The following NELL1 variants were observed in gnomAD, a reference collection of about 807,000 sequenced individuals.
The protein encoded by NELL1 is protein kinase C-binding protein NELL1.
NELL1 carries 76 observed loss-of-function variants against 107.4 expected under a neutral mutation model. That is an observed-to-expected ratio of 0.71 (90% confidence interval 0.59 to 0.86). The LOEUF (loss-of-function observed/expected upper bound fraction) is 0.86, where lower values mean the gene tolerates loss of function less well. Ranked by LOEUF, NELL1 falls within the 40% of genes least tolerant of loss-of-function variation. The pLI is 0.00. For missense variants in NELL1, 1,024 were observed against 1,005.5 expected, an observed-to-expected ratio of 1.02 and a Z score of -0.25; for synonymous variants, 353 against 341.2, an observed-to-expected ratio of 1.03 and a Z score of -0.38.
intron 15 of NELL1, among the ~76,000 whole-genome samples, chr11:21,477,073 T>G (rs1258794794): frequency 6.6e-6 from 1 of 152,094 alleles, no homozygotes; most frequent in African/African-American, 2.4e-5. Context: ...TTTGCTAGGC[T>G]CAGAGCAAGT....
chr11:21,237,457 C>T (rs1296452152), intron 14 of NELL1, among the ~76,000 whole-genome samples: 1 of 152,088 alleles, frequency 6.6e-6, no homozygotes, highest in Non-Finnish European at 1.5e-5. Context: ...TTCTTTCTTA[C>T]ATGTGCCTCT....
At chr11:20,746,226 C>T (rs970534903) in intron 2 of NELL1, among the ~76,000 whole-genome samples, 4 of 152,104 alleles carry the variant, frequency 2.6e-5, no homozygotes, top group African/African-American at 7.2e-5. Context: ...TCTGCTGGAC[C>T]TTTGACCTTA....
chr11:21,171,413 T>C (rs371120051), intron 13 of NELL1, among the ~76,000 whole-genome samples: 69 of 152,012 alleles, frequency 4.5e-4, no homozygotes, highest in Middle Eastern at 3.4e-3. Context: ...TCCTTGTCTA[T>C]GCACAAAATA....
chr11:21,059,657 C>G (rs1853692190), intron 12 of NELL1, among the ~76,000 whole-genome samples: 1 of 152,066 alleles, frequency 6.6e-6, no homozygotes, highest in Non-Finnish European at 1.5e-5. Context: ...TGACTTAATT[C>G]CCCTACTCTG....
At chr11:20,960,962 A>T (rs1453770739) in intron 12 of NELL1, among the ~76,000 whole-genome samples, 1 of 152,208 alleles carries the variant, frequency 6.6e-6, no homozygotes, top group African/African-American at 2.4e-5. Context: ...ACATTAACTC[A>T]TACTAGGCTG....
intron 3 of NELL1, among the ~76,000 whole-genome samples, chr11:20,792,896 G>T (rs746169801): frequency 4.6e-5 from 7 of 151,904 alleles, no homozygotes; most frequent in Admixed American, 6.5e-5. Context: ...AGATGCCATA[G>T]ATTTTTCTGT....
intron 15 of NELL1, among the ~76,000 whole-genome samples, chr11:21,491,706 TTAAAG>T (rs1167531130): frequency 8.5e-5 from 13 of 152,098 alleles, no homozygotes; most frequent in African/African-American, 3.1e-4. Flanking sequence ...CATATGAACT[TTAAAG>T]TAGTTTTTTC....
At chr11:21,203,705 T>C (rs1364367609) in intron 13 of NELL1, among the ~76,000 whole-genome samples, 1 of 152,186 alleles carries the variant, frequency 6.6e-6, no homozygotes, top group Non-Finnish European at 1.5e-5. Flanking sequence ...TTCTTCATAG[T>C]GTTGATGGCC....
intron 13 of NELL1, among the ~76,000 whole-genome samples, chr11:21,119,777 C>T (rs755020757): frequency 6.6e-5 from 10 of 152,026 alleles, no homozygotes; most frequent in Non-Finnish European, 8.8e-5. Flanking sequence ...TTCTCTCCCC[C>T]GTATGCTTTT....
At chr11:21,010,802 T>A (rs1852430019) in intron 12 of NELL1, among the ~76,000 whole-genome samples, 1 of 152,218 alleles carries the variant, frequency 6.6e-6, no homozygotes, top group Non-Finnish European at 1.5e-5. Flanking sequence ...CTGCCCCAGA[T>A]AATTAGAAAA....
intron 12 of NELL1, among the ~76,000 whole-genome samples, chr11:20,977,042 A>G (rs1418677558): frequency 5.3e-5 from 8 of 152,002 alleles, no homozygotes; most frequent in Admixed American, 5.2e-4. Flanking sequence ...GTTTCTGAAT[A>G]TGTGGCCATT....
At chr11:21,326,120 C>T (rs1850134100) in intron 14 of NELL1, among the ~76,000 whole-genome samples, 1 of 75,024 alleles carries the variant, frequency 1.3e-5, no homozygotes, top group Non-Finnish European at 2.6e-5. Context: ...CACTCTTACA[C>T]TAATTCTCTT....
chr11:20,926,783 G>A (rs1204740537), intron 7 of NELL1, among the ~76,000 whole-genome samples: 1 of 152,114 alleles, frequency 6.6e-6, no homozygotes, highest in South Asian at 2.1e-4. Flanking sequence ...TTCTGTTTGG[G>A]GGATCCGCTT....
At chr11:21,227,686 C>T (rs1857930306) in intron 13 of NELL1, among the ~76,000 whole-genome samples, 1 of 152,164 alleles carries the variant, frequency 6.6e-6, no homozygotes, top group Non-Finnish European at 1.5e-5. Flanking sequence ...ATGACTTAAG[C>T]ACAGACTTGA....
At chr11:20,978,309 C>G (rs781567170) in intron 12 of NELL1, among the ~76,000 whole-genome samples, 2 of 152,164 alleles carry the variant, frequency 1.3e-5, no homozygotes, top group Admixed American at 1.3e-4. Flanking sequence ...CACCGCGAAG[C>G]TAGGTATTAC....
chr11:20,881,090 C>T (rs2134100566), intron 4 of NELL1, among the ~76,000 whole-genome samples: 1 of 152,242 alleles, frequency 6.6e-6, no homozygotes, highest in Admixed American at 6.5e-5. Context: ...ACCAGTCTTG[C>T]CTTCAAGCTT....
rs535730012 is a variant in NELL1, at chr11:21,359,018, A to G, written c.1550-11835A>G. On this transcript the variant is annotated intron_variant, in intron 14 of 19. Transcript: ENST00000357134. Reference sequence around the variant, plus strand: ...GCTAGGACTTCCGGCACTATGTTGAATAGAAGTGGTAAAACTGGGCATTCT... The same window carrying G: ...GCTAGGACTTCCGGCACTATGTTGAGTAGAAGTGGTAAAACTGGGCATTCT... Among the ~76,000 whole-genome samples, 31 of 152,234 alleles carry G rather than the reference A, an allele frequency of 2.0e-4. 1 individual carries two copies. Among genetic ancestry groups the G allele is most frequent in the Admixed American group, 5.2e-4 (8 of 15,272 alleles).
chr11:21,404,591 T>C (rs1359448558), intron 15 of NELL1, among the ~76,000 whole-genome samples: 1 of 151,968 alleles, frequency 6.6e-6, no homozygotes, highest in Non-Finnish European at 1.5e-5. Flanking sequence ...ACTTCCCCTT[T>C]CCAAAGGGCT....
At chr11:20,866,664 G>A (rs1224772825) in intron 4 of NELL1, among the ~76,000 whole-genome samples, 1 of 152,188 alleles carries the variant, frequency 6.6e-6, no homozygotes, top group Admixed American at 6.5e-5. Context: ...TTCCTTGGAA[G>A]GCCTTGTGCA....
Sources: allele counts gnomAD v4.1 joint callset (sites outside exome capture counted in the v4.1 genomes callset), GRCh38; gene constraint gnomAD v4.1.1; transcripts MANE v1.5; gene names NCBI Gene and HGNC (gene_info 2026-07-23, HGNC 2026-07-21).